The following EIF2AK3 variants were observed in gnomAD, a reference collection of about 807,000 sequenced individuals.
The protein encoded by EIF2AK3 is eukaryotic translation initiation factor 2 alpha kinase 3, also known as eukaryotic translation initiation factor 2-alpha kinase 3.
Under a neutral mutation model 113.5 loss-of-function variants are expected in EIF2AK3, and 50 were observed. The ratio of observed to expected loss-of-function variants is 0.44; its 90% CI spans 0.35 to 0.56. EIF2AK3 has a LOEUF of 0.56. Ranked by LOEUF, EIF2AK3 falls within the 20% of genes least tolerant of loss-of-function variation. The pLI is 0.00. For synonymous variants in EIF2AK3, 448 were observed against 495.4 expected (o/e 0.90, Z 1.27); for missense variants, 1,185 against 1,378.0 (o/e 0.86, Z 2.22).
intron 4 of EIF2AK3, among the ~76,000 whole-genome samples, chr2:88,592,763 CAAA>C (rs149027884): frequency 5.8e-5 from 6 of 104,248 alleles, no homozygotes; most frequent in Admixed American, 1.0e-4. Context: ...AACTCGGTCT[CAAA>C]AAAAAAAAAA....
At chr2:88,606,205 T>A (rs1324981171) in intron 2 of EIF2AK3, among the ~76,000 whole-genome samples, 1 of 151,926 alleles carries the variant, frequency 6.6e-6, no homozygotes, top group Admixed American at 6.6e-5. Flanking sequence ...CTCACAGTCA[T>A]GATAAAAGAA....
Position 88,557,637 on chromosome 2 carries a change from G to A in EIF2AK3, c.*99C>T, listed in dbSNP as rs771892864. 1.9e-4 allele frequency: 254 copies of A among 1,354,212 alleles called. 6 individuals carry two copies. In the South Asian group the frequency reaches 1.9e-3, roughly 10 times the overall value. The allele number at this position is 1,354,212 out of a possible 1,614,324, so 83.9% of individuals were successfully genotyped here. ...AAAGTAGTCCACAAAAAAATTGAGC[G>A]AAGAACAAACTTTTCAAGTCTGCAA... On this transcript the variant is annotated 3_prime_UTR_variant, in exon 17 of 17. Transcript: ENST00000303236.
At chr2:88,600,405 A>G (rs906627674) in intron 2 of EIF2AK3, among the ~76,000 whole-genome samples, 28 of 152,176 alleles carry the variant, frequency 1.8e-4, no homozygotes, top group Non-Finnish European at 3.2e-4. Flanking sequence ...GCATTTTCAC[A>G]TCCCACTGAT....
chr2:88,613,782 T>C lies in EIF2AK3; in HGVS notation c.380A>G (p.Gln127Arg). ...ALDPENHGKK[Q>R]WDLDVGSGSL... ...ACCGGATCCCACATCCAAATCCCACTGCTTTTTACCATGATTTTCAGGATC... is the reference window on the plus strand; with the variant it reads ...ACCGGATCCCACATCCAAATCCCACCGCTTTTTACCATGATTTTCAGGATC... The change falls in exon 2 of 17, where the codon CAG becomes CGG. Residue 127 changes from glutamine (Q) to arginine (R), a missense_variant. By Grantham distance (43) the Gln-to-Arg change is conservative (BLOSUM62 1). Coordinates refer to ENST00000303236, the MANE Select transcript of EIF2AK3 (RefSeq NM_004836.7). The C allele has an allele frequency of 6.2e-7, 1 of 1,614,130 alleles. No individual in the cohort carries two copies. The highest frequency in any genetic ancestry group is 1.7e-5 in the Admixed American group (1 of 60,024).
At chr2:88,626,702 C>T (rs1477953645) in intron 1 of EIF2AK3, among the ~76,000 whole-genome samples, 3 of 152,248 alleles carry the variant, frequency 2.0e-5, no homozygotes, top group Non-Finnish European at 2.9e-5. Context: ...TCTTTGCAAC[C>T]CTGGAATTCC....
intron 10 of EIF2AK3, among the ~76,000 whole-genome samples, chr2:88,580,148 C>T (rs1317321636): frequency 2.0e-5 from 3 of 152,108 alleles, no homozygotes; most frequent in Admixed American, 2.0e-4. Flanking sequence ...TTGGGTTGCC[C>T]CACGAGTCAG....
chr2:88,625,857 A>G (rs1441830573), intron 1 of EIF2AK3, among the ~76,000 whole-genome samples: 1 of 152,188 alleles, frequency 6.6e-6, no homozygotes, highest in African/African-American at 2.4e-5. Flanking sequence ...ATATTTACAA[A>G]TGTTTATATA....
intron 2 of EIF2AK3, among the ~76,000 whole-genome samples, chr2:88,601,834 C>CT (rs59987968): frequency 0.26 from 19,254 of 74,408 alleles, 2,546 homozygotes; most frequent in East Asian, 0.3. Flanking sequence ...TAAGATTTTT[C>CT]TTTTTTTTTT....
chr2:88,575,157 T>C lies in EIF2AK3; in HGVS notation c.2326A>G (p.Met776Val), dbSNP rs2104411539. Residue 776 changes from methionine to valine, a missense_variant, in exon 13 of 17, where the codon ATG becomes GTG. Physicochemically the swap from Met to Val is conservative, Grantham distance 21 (BLOSUM62 1). This residue lies in a region of EIF2AK3 where 877 missense variants were observed against 1,024.2 expected (regional missense o/e 0.86). Coordinates refer to ENST00000303236, the MANE Select transcript of EIF2AK3 (RefSeq NM_004836.7). ...LTDCDVEDGT[M>V]DGNDEGHSFE... ...GAGTGCCCCTCATCATTGCCATCCA[T>C]AGTCCCATCTTCCACATCACAGTCT... 1.2e-6 allele frequency: 2 copies of C among 1,613,982 alleles called. No individual in the cohort carries two copies. Among genetic ancestry groups the C allele is most frequent in the Non-Finnish European group, 8.5e-7 (1 of 1,179,882 alleles).
intron 11 of EIF2AK3, among the ~76,000 whole-genome samples, chr2:88,577,882 C>A (rs933799098): frequency 6.6e-6 from 1 of 152,192 alleles, no homozygotes; most frequent in Non-Finnish European, 1.5e-5. Context: ...CAAATGCCGC[C>A]ATTTCTAAGA....
At chr2:88,591,329 C>T (rs1674884523) in intron 4 of EIF2AK3, among the ~76,000 whole-genome samples, 1 of 152,252 alleles carries the variant, frequency 6.6e-6, no homozygotes, top group South Asian at 2.1e-4. Flanking sequence ...CAAAAACTTA[C>T]AAATGTTTGT....
chr2:88,558,066 T>C, intron 16 of EIF2AK3, 130 bp from the exon 17 acceptor site: 1 of 877,588 alleles, frequency 1.1e-6, no homozygotes. Context: ...TTTTCAAGTC[T>C]CTGATACAAC....
intron 12 of EIF2AK3, 195 bp from the exon 13 acceptor site, chr2:88,575,641 C>T (rs1674439260): frequency 4.5e-6 from 3 of 669,198 alleles, no homozygotes; most frequent in Non-Finnish European, 7.7e-6. Flanking sequence ...TTCTAAAAAA[C>T]TTAATTTTAA....
intron 15 of EIF2AK3, among the ~76,000 whole-genome samples, chr2:88,560,224 C>T (rs1470193942): frequency 6.6e-6 from 1 of 152,132 alleles, no homozygotes; most frequent in Non-Finnish European, 1.5e-5. Flanking sequence ...TGTTGAGCAT[C>T]TTTTCACATG....
At position 88,575,495 on chromosome 2, in the gene EIF2AK3, C is replaced by G. The variant is rs201038359; in HGVS notation, c.2037-49G>C. 5.7e-6 allele frequency: 9 copies of G among 1,589,864 alleles called. No homozygotes were observed. The African/African-American group carries it at 1.2e-4, about 21-fold the overall frequency. ...GGGTAAGAGTGAATATATATTGATT[C>G]AAGTACCTGAACTGCACCCTCTGTT... On this transcript the variant is annotated intron_variant, in intron 12 of 16. Coordinates refer to ENST00000303236, the MANE Select transcript of EIF2AK3 (RefSeq NM_004836.7).
intron 13 of EIF2AK3, 139 bp from the exon 14 acceptor site, chr2:88,571,180 C>T: frequency 9.2e-7 from 1 of 1,090,004 alleles, no homozygotes; most frequent in East Asian, 2.6e-5. Flanking sequence ...AATGGGCTAA[C>T]AGGAAAATAG....
intron 10 of EIF2AK3, among the ~76,000 whole-genome samples, chr2:88,582,754 C>T (rs2104424252): frequency 6.6e-6 from 1 of 152,152 alleles, no homozygotes; most frequent in Middle Eastern, 3.4e-3. Context: ...AAAATCATTA[C>T]CCTAGATATT....
intron 2 of EIF2AK3, among the ~76,000 whole-genome samples, chr2:88,610,664 A>T (rs1012574430): frequency 2.6e-5 from 4 of 152,254 alleles, no homozygotes; most frequent in African/African-American, 9.6e-5. Flanking sequence ...TTCTCATTAA[A>T]TTTTTTGTAT....
intron 11 of EIF2AK3, among the ~76,000 whole-genome samples, chr2:88,578,512 A>G (rs192660029): frequency 4.6e-5 from 7 of 152,072 alleles, no homozygotes; most frequent in African/African-American, 1.7e-4. Context: ...GTGAAACCCC[A>G]TCTCTACTAA....
Sources: allele counts gnomAD v4.1 joint callset (sites outside exome capture counted in the v4.1 genomes callset), GRCh38; gene constraint gnomAD v4.1.1; regional missense constraint gnomAD v4.1.1; transcripts MANE v1.5; gene names NCBI Gene and HGNC (gene_info 2026-07-23, HGNC 2026-07-21).